ELMO1: variants seen among roughly 807,000 people sequenced by gnomAD.
The protein encoded by ELMO1 is engulfment and cell motility 1, also known as engulfment and cell motility protein 1.
Under a neutral mutation model 98.9 loss-of-function variants are expected in ELMO1, and 26 were observed. The ratio of observed to expected loss-of-function variants is 0.26; its 90% CI spans 0.19 to 0.36. The LOEUF (loss-of-function observed/expected upper bound fraction) is 0.36, where lower values mean the gene tolerates loss of function less well. ELMO1 is among the 10% of genes least tolerant of loss of function. ELMO1 has a pLI of 1.00. For synonymous variants in ELMO1, 346 were observed against 346.0 expected (o/e 1.00, Z 0.00); for missense variants, 627 against 935.2 (o/e 0.67, Z 4.30).
chr7:37,071,102 T>G (rs1268345725), intron 15 of ELMO1, among the ~76,000 whole-genome samples: 1 of 152,164 alleles, frequency 6.6e-6, no homozygotes, highest in Non-Finnish European at 1.5e-5. Flanking sequence ...GGTATACAAT[T>G]ACCAAAACTA....
intron 16 of ELMO1, among the ~76,000 whole-genome samples, chr7:36,970,733 T>A (rs1182315478): frequency 6.6e-6 from 1 of 152,212 alleles, no homozygotes; most frequent in Admixed American, 6.5e-5. Context: ...GTCTTCTCTT[T>A]TCCTCAATGC....
intron 20 of ELMO1, among the ~76,000 whole-genome samples, chr7:36,869,907 A>G (rs987796293): frequency 2.6e-5 from 4 of 152,212 alleles, no homozygotes; most frequent in African/African-American, 9.6e-5. Flanking sequence ...TCAGGCCTTT[A>G]AAGTTTTCTA....
intron 1 of ELMO1, among the ~76,000 whole-genome samples, chr7:37,436,423 T>C (rs1171320732): frequency 6.6e-6 from 1 of 152,218 alleles, no homozygotes; most frequent in Admixed American, 6.5e-5. Flanking sequence ...ATTAGACAAG[T>C]GATTTTCATG....
intron 14 of ELMO1, among the ~76,000 whole-genome samples, chr7:37,097,677 T>A (rs1175161172): frequency 6.6e-6 from 1 of 152,090 alleles, no homozygotes; most frequent in African/African-American, 2.4e-5. Flanking sequence ...CTGGCTCAAC[T>A]ATGCTGACGG....
intron 6 of ELMO1, 134 bp from the exon 7 acceptor site, chr7:37,244,525 C>T (rs2130708037): frequency 1.2e-6 from 1 of 845,364 alleles, no homozygotes; most frequent in Non-Finnish European, 1.9e-6. Flanking sequence ...AGAATTTTAT[C>T]CATTTCAAGA....
At chr7:37,241,673 T>C (rs902761540) in intron 7 of ELMO1, among the ~76,000 whole-genome samples, 3 of 152,188 alleles carry the variant, frequency 2.0e-5, no homozygotes, top group Admixed American at 2.0e-4. Context: ...GCACTGTTTT[T>C]AGTTGTGACT....
intron 16 of ELMO1, among the ~76,000 whole-genome samples, chr7:36,970,378 A>C (rs1789832602): frequency 6.6e-6 from 1 of 152,248 alleles, no homozygotes; most frequent in East Asian, 1.9e-4. Flanking sequence ...TGAGCAGCAG[A>C]CATGATAACC....
chr7:36,904,438 T>C (rs1323033648), intron 16 of ELMO1, among the ~76,000 whole-genome samples: 1 of 152,030 alleles, frequency 6.6e-6, no homozygotes, highest in Non-Finnish European at 1.5e-5. Context: ...CTGATCATAA[T>C]CCAAAACAGG....
rs371234781 is a variant in ELMO1, at chr7:36,913,982, C to T, written c.1438-18965G>A. ...GTTCTACAAACAAACTGAAATTGTG[C>T]CATATTTTGTGAACATGCACATGCA... On this transcript the variant is annotated intron_variant, in intron 16 of 21. Transcript: ENST00000310758. 3.3e-5 allele frequency among the ~76,000 whole-genome samples: 5 copies of T among 152,254 alleles called. No individual in the cohort carries two copies. In the South Asian group the frequency reaches 8.3e-4, roughly 25 times the overall value.
At chr7:37,277,316 A>C (rs559513860) in intron 4 of ELMO1, among the ~76,000 whole-genome samples, 1 of 152,388 alleles carries the variant, frequency 6.6e-6, no homozygotes, top group East Asian at 1.9e-4. Flanking sequence ...TGTGCAGCAC[A>C]GGCTTTTAGA....
intron 20 of ELMO1, among the ~76,000 whole-genome samples, chr7:36,869,664 C>G (rs1043216157): frequency 2.6e-5 from 4 of 152,192 alleles, no homozygotes; most frequent in Non-Finnish European, 5.9e-5. Flanking sequence ...GGCTCCCTGA[C>G]GGCCTCTCCA....
At chr7:37,229,587 A>C (rs1158278161) in intron 8 of ELMO1, among the ~76,000 whole-genome samples, 3 of 152,204 alleles carry the variant, frequency 2.0e-5, no homozygotes, top group African/African-American at 7.2e-5. Flanking sequence ...ATCTTTTGTC[A>C]GCCCATTTCC....
At chr7:37,163,573 A>C (rs530471168) in intron 13 of ELMO1, among the ~76,000 whole-genome samples, 5 of 150,724 alleles carry the variant, frequency 3.3e-5, no homozygotes, top group African/African-American at 1.2e-4. Context: ...ATTCCCACCT[A>C]TGAGTGAGAA....
chr7:37,298,223 G>A (rs935935940), intron 4 of ELMO1, among the ~76,000 whole-genome samples: 8 of 150,984 alleles, frequency 5.3e-5, no homozygotes, highest in Non-Finnish European at 8.8e-5. Context: ...CTACAAGAGA[G>A]GGGGGACCTG....
At chr7:37,316,934 G>T (rs893049576) in intron 2 of ELMO1, among the ~76,000 whole-genome samples, 1 of 141,420 alleles carries the variant, frequency 7.1e-6, no homozygotes, top group Admixed American at 7.2e-5. Flanking sequence ...TTCAAATCCA[G>T]CTCTATCAGC....
intron 2 of ELMO1, among the ~76,000 whole-genome samples, chr7:37,324,607 G>A (rs1430944388): frequency 6.6e-6 from 1 of 152,004 alleles, no homozygotes; most frequent in East Asian, 1.9e-4. Flanking sequence ...TTTGAGACAG[G>A]GTCTCACTCC....
intron 13 of ELMO1, among the ~76,000 whole-genome samples, chr7:37,138,754 AGGGAAG>A (rs1563028153): frequency 6.6e-6 from 1 of 152,166 alleles, no homozygotes; most frequent in African/African-American, 2.4e-5. Flanking sequence ...ACCAAAAACC[AGGGAAG>A]GACATCATAA....
intron 1 of ELMO1, among the ~76,000 whole-genome samples, chr7:37,359,040 T>A (rs1021161511): frequency 2.6e-5 from 4 of 152,044 alleles, no homozygotes; most frequent in African/African-American, 7.2e-5. Flanking sequence ...ACAGAATAGG[T>A]GGTGATGTCA....
intron 19 of ELMO1, among the ~76,000 whole-genome samples, chr7:36,873,914 A>T (rs1460668079): frequency 1.3e-5 from 2 of 152,242 alleles, no homozygotes; most frequent in Non-Finnish European, 2.9e-5. Context: ...GTAGCTAGTA[A>T]GCCTTGAGCT....
Sources: gnomAD v4.1 joint callset for allele counts (sites outside exome capture counted in the v4.1 genomes callset) on GRCh38, gnomAD v4.1.1 for gene constraint, MANE v1.5 for transcripts, NCBI Gene and HGNC (gene_info 2026-07-23, HGNC 2026-07-21) for gene names.